Variants in RCL1 observed in about 807,000 individuals in gnomAD.
The protein encoded by RCL1 is RNA 3'-terminal phosphate cyclase-like protein.
Under a neutral mutation model 42.4 loss-of-function variants are expected in RCL1, and 24 were observed. That is an observed-to-expected ratio of 0.57 (90% CI 0.41 to 0.80). The LOEUF (loss-of-function observed/expected upper bound fraction) is 0.80, where lower values mean the gene tolerates loss of function less well. Among genes scored for constraint, RCL1 ranks in the 30% least tolerant of loss-of-function variants. The pLI, the probability that RCL1 is intolerant of heterozygous loss-of-function variation, is 0.00. For missense variants in RCL1, 578 were observed against 467.9 expected, an observed-to-expected ratio of 1.24 and a Z score of -2.17; for synonymous variants, 228 against 177.3, an observed-to-expected ratio of 1.29 and a Z score of -2.27.
intron 4 of RCL1, 80 bp from the exon 5 acceptor site, chr9:4,834,061 G>A (rs557284660): frequency 3.8e-5 from 58 of 1,508,048 alleles, no homozygotes; most frequent in East Asian, 3.8e-4. Context: ...ATCTGCTGGT[G>A]TAAACCTTCC....
At chr9:4,826,444 A>T (rs1324862572) in intron 2 of RCL1, among the ~76,000 whole-genome samples, 1 of 143,602 alleles carries the variant, frequency 7.0e-6, no homozygotes, top group Non-Finnish European at 1.5e-5. Context: ...GTATATGAGA[A>T]ATATCATTTC....
Position 4,809,597 on chromosome 9 carries a change from T to C in RCL1, c.137-13951T>C, listed in dbSNP as rs143215634. 5.5e-3 allele frequency among the ~76,000 whole-genome samples: 838 copies of C among 152,228 alleles called. 4 individuals are homozygous for C. The highest frequency in any genetic ancestry group is 0.017 in the African/African-American group (690 of 41,546). On this transcript the variant is annotated intron_variant, in intron 1 of 8. Transcript: ENST00000381750. ...TGCTGGGATTACAGGCGTGAGCCAC[T>C]GCACCCGGCCAAGACTATGCTTTTT...
intron 1 of RCL1, among the ~76,000 whole-genome samples, chr9:4,798,809 C>T (rs1842952515): frequency 6.6e-6 from 1 of 151,932 alleles, no homozygotes; most frequent in Non-Finnish European, 1.5e-5. Flanking sequence ...GGAACATACC[C>T]TTTTGTGCCT....
intron 8 of RCL1, among the ~76,000 whole-genome samples, chr9:4,851,452 C>T (rs1489837238): frequency 1.3e-5 from 2 of 152,140 alleles, no homozygotes. Flanking sequence ...ACTCTTTCTG[C>T]CCCTAATCAC....
intron 3 of RCL1, among the ~76,000 whole-genome samples, chr9:4,830,153 G>A (rs934843161): frequency 1.1e-4 from 16 of 152,198 alleles, no homozygotes; most frequent in African/African-American, 3.9e-4. Context: ...GAGTCAGACT[G>A]AGCAGTGAGA....
rs1334419245 is a variant in RCL1, at chr9:4,823,695, C to CT, written c.208+85dup. On this transcript the variant is annotated intron_variant, in intron 2 of 8. Coordinates refer to ENST00000381750, the MANE Select transcript of RCL1 (RefSeq NM_005772.5). ...TGTTTCTCACTCTTTTTTTTCTTTC[C>CT]TTTTTTTTTCTAGTCAGTCTCTGCT... 1,558 of 972,562 alleles carry CT rather than the reference C, an allele frequency of 1.6e-3. 1 individual carries two copies. The highest frequency in any genetic ancestry group is 2.2e-3 in the South Asian group (139 of 63,944). The allele number at this position is 972,562 out of a possible 1,614,324, so 60.2% of individuals were successfully genotyped here.
At chr9:4,850,190 T>TTG (rs1229299180) in intron 8 of RCL1, 8 of 432,828 alleles carry the variant, frequency 1.8e-5, no homozygotes, top group East Asian at 5.8e-5. Flanking sequence ...AGTACTGACA[T>TTG]TGTGTGTGTG....
chr9:4,829,635 T>A (rs1397085424), intron 3 of RCL1, among the ~76,000 whole-genome samples: 2 of 152,236 alleles, frequency 1.3e-5, no homozygotes, highest in Non-Finnish European at 2.9e-5. Context: ...AGGCTGAGGT[T>A]GAACACTGGT....
chr9:4,810,816 G>A (rs933805661), intron 1 of RCL1, among the ~76,000 whole-genome samples: 1 of 152,146 alleles, frequency 6.6e-6, no homozygotes, highest in African/African-American at 2.4e-5. Flanking sequence ...AACCAGTTTT[G>A]TAGGTGTATT....
intron 1 of RCL1, among the ~76,000 whole-genome samples, chr9:4,819,643 C>T (rs1045378411): frequency 6.6e-6 from 1 of 152,136 alleles, no homozygotes; most frequent in Non-Finnish European, 1.5e-5. Context: ...CCCATCTCTA[C>T]TGAAAATACA....
At chr9:4,838,390 G>C (rs187289457) in intron 5 of RCL1, among the ~76,000 whole-genome samples, 2 of 152,286 alleles carry the variant, frequency 1.3e-5, no homozygotes, top group East Asian at 3.9e-4. Context: ...GCCTTATGTG[G>C]GGCGTAAGAG....
At chr9:4,808,067 A>G (rs1239523888) in intron 1 of RCL1, among the ~76,000 whole-genome samples, 4 of 151,724 alleles carry the variant, frequency 2.6e-5, no homozygotes, top group Non-Finnish European at 4.4e-5. Context: ...ATTAGATCCT[A>G]TCGGTTCATG....
At chr9:4,822,114 C>G (rs1816613921) in intron 1 of RCL1, among the ~76,000 whole-genome samples, 1 of 152,212 alleles carries the variant, frequency 6.6e-6, no homozygotes, top group Admixed American at 6.5e-5. Flanking sequence ...TGATTTCTAG[C>G]CCAGTGCCCT....
At chr9:4,813,969 A>T (rs1816277210) in intron 1 of RCL1, among the ~76,000 whole-genome samples, 1 of 152,116 alleles carries the variant, frequency 6.6e-6, no homozygotes, top group Non-Finnish European at 1.5e-5. Flanking sequence ...GTTCTCACTC[A>T]TAGGTGGGAA....
chr9:4,825,114 G>C (rs1391714398), intron 2 of RCL1, among the ~76,000 whole-genome samples: 1 of 150,056 alleles, frequency 6.7e-6, no homozygotes, highest in African/African-American at 2.5e-5. Flanking sequence ...AGGGTGATCT[G>C]TCGGGTGATC....
At chr9:4,819,769 T>C (rs1016785200) in intron 1 of RCL1, among the ~76,000 whole-genome samples, 1 of 152,200 alleles carries the variant, frequency 6.6e-6, no homozygotes, top group Non-Finnish European at 1.5e-5. Flanking sequence ...ATCGCGCCAC[T>C]GCACTCCAGC....
rs1188959909 is a variant in RCL1 at position 4,826,984 on chromosome 9, C to G, written c.335C>G (p.Pro112Arg). The change falls in exon 3 of 9, where the codon CCG (proline) becomes CGG (arginine). Residue 112 changes from proline (P) to arginine (R), a missense_variant. Coordinates refer to ENST00000381750, the MANE Select transcript of RCL1 (RefSeq NM_005772.5). ...LLCLAPFMKH[P>R]LKIVLRGVTN... ...TGCTTGGCTCCATTTATGAAGCACCCGTTAAAAATAGTTCTACGAGGAGTG... is the reference window on the plus strand; with the variant it reads ...TGCTTGGCTCCATTTATGAAGCACCGGTTAAAAATAGTTCTACGAGGAGTG... 2 of 1,613,966 alleles carry G rather than the reference C, an allele frequency of 1.2e-6. No homozygotes were observed. Among genetic ancestry groups the G allele is most frequent in the Admixed American group, 1.7e-5 (1 of 59,992 alleles).
Position 4,849,452 on chromosome 9 carries a change from A to C in RCL1, c.873A>C (p.Gly291=), listed in dbSNP as rs1016203157. ...RLLLEEIYRG[G]CVDSTNQSLA... The stretch of plus-strand genomic sequence containing the variant: ...TTATTAATTTGTGTTTACAGGGTGG[A>C]TGCGTAGACTCGACCAACCAAAGCC... The change falls in exon 8 of 9, where the codon GGA becomes GGC. Residue 291 remains glycine (G), a synonymous_variant. Transcript: ENST00000381750. The C allele has an allele frequency of 6.2e-7, 1 of 1,612,124 alleles. No individual in the cohort carries two copies. The highest frequency in any genetic ancestry group is 8.5e-7 in the Non-Finnish European group (1 of 1,178,740).
At chr9:4,849,281 G>T (rs1817630907) in intron 7 of RCL1, among the ~76,000 whole-genome samples, 166 bp from the exon 8 acceptor site, 3 of 151,236 alleles carry the variant, frequency 2.0e-5, no homozygotes, top group Admixed American at 2.0e-4. Context: ...ACCCTCTACA[G>T]TTAGTTGATA....
Sources: allele counts gnomAD v4.1 joint callset (sites outside exome capture counted in the v4.1 genomes callset), GRCh38; gene constraint gnomAD v4.1.1; transcripts MANE v1.5; gene names NCBI Gene and HGNC (gene_info 2026-07-23, HGNC 2026-07-21).